The following RANBP9 variants were observed in gnomAD, a reference collection of about 807,000 sequenced individuals.
The protein encoded by RANBP9 is RAN binding protein 9.
A neutral mutation model predicts 84.3 loss-of-function variants in RANBP9; 15 were observed. That is an observed-to-expected ratio of 0.18 (90% CI 0.12 to 0.27). The LOEUF is 0.27. RANBP9 is among the 10% of genes least tolerant of loss of function. The probability of loss-of-function intolerance (pLI) is 1.00; values close to 1 mark genes in which losing one functional copy is unlikely to be tolerated. For missense variants in RANBP9, 809 were observed against 912.8 expected, an observed-to-expected ratio of 0.89 and a Z score of 1.46; for synonymous variants, 392 against 349.6, an observed-to-expected ratio of 1.12 and a Z score of -1.35.
At chr6:13,632,118 C>CTTTTT (rs752500098) in intron 12 of RANBP9, among the ~76,000 whole-genome samples, 3 of 74,922 alleles carry the variant, frequency 4.0e-5, no homozygotes, top group Non-Finnish European at 7.8e-5. Flanking sequence ...GGATTTAATC[C>CTTTTT]TTTTTTTTTT....
chr6:13,648,467 A>G (rs1407860800), intron 5 of RANBP9, among the ~76,000 whole-genome samples: 2 of 152,056 alleles, frequency 1.3e-5, no homozygotes, highest in Admixed American at 6.6e-5. Flanking sequence ...GCATGTTTTC[A>G]AGGTTCATCC....
In RANBP9 at chr6:13,686,118, C is replaced by CG. The variant is rs1389408773; in HGVS notation, c.683+10666_683+10667insC. On this transcript the variant is annotated intron_variant, in intron 2 of 13. Coordinates refer to ENST00000011619, the MANE Select transcript of RANBP9 (RefSeq NM_005493.3). ...AATTTCTTCCCCCCCCCCCCCCCGC[C>CG]CCCCGAAATAGAGTCTCACTCTGTA... is the stretch of plus-strand genomic sequence containing the variant. Among the ~76,000 whole-genome samples the CG allele has an allele frequency of 2.7e-4, 10 of 37,006 alleles. 1 individual carries two copies. The highest frequency in any genetic ancestry group is 8.8e-4 in the African/African-American group (8 of 9,088). The allele number at this position is 37,006 out of a possible 152,430, so 24.3% of individuals were successfully genotyped here. A position where few individuals can be genotyped will look rare whatever the true frequency, so the allele number is the denominator to read the frequency against.
Position 13,711,497 on chromosome 6 carries a change from C to T in RANBP9, c.9G>A (p.Gly3=). 8.0e-7 allele frequency: 1 copy of T among 1,248,936 alleles called. No individual in the cohort carries two copies. The highest frequency in any genetic ancestry group is 1.0e-6 in the Non-Finnish European group (1 of 995,048). The allele number at this position is 1,248,936 out of a possible 1,614,324, so 77.4% of individuals were successfully genotyped here. MS[G]QPPPPPPQQQ... is the part of the protein sequence containing the mutation. The stretch of plus-strand genomic sequence containing the variant: ...GCTGCGGCGGCGGCGGCGGCGGCTG[C>T]CCGGACATCCCGGCCGCGACTCAGC... Residue 3 remains glycine, a synonymous_variant, in exon 1 of 14, where the codon GGG becomes GGA. Transcript: ENST00000011619.
At chr6:13,693,924 T>C (rs1436633134) in intron 2 of RANBP9, among the ~76,000 whole-genome samples, 1 of 151,930 alleles carries the variant, frequency 6.6e-6, no homozygotes, top group South Asian at 2.1e-4. Flanking sequence ...GCGCCTGTAA[T>C]CCCAGCTACT....
chr6:13,666,554 G>A (rs942581138), intron 2 of RANBP9, among the ~76,000 whole-genome samples: 1 of 132,832 alleles, frequency 7.5e-6, no homozygotes, highest in Non-Finnish European at 1.5e-5. Flanking sequence ...GGTGAGAGAA[G>A]CGCTTGAGTC....
intron 2 of RANBP9, among the ~76,000 whole-genome samples, chr6:13,663,055 G>A (rs779345819): frequency 2.0e-5 from 3 of 151,996 alleles, no homozygotes; most frequent in Non-Finnish European, 2.9e-5. Flanking sequence ...AGACAAAAAC[G>A]TATAGATTCA....
chr6:13,625,202 C>T (rs1038233694), intron 13 of RANBP9, among the ~76,000 whole-genome samples: 2 of 152,138 alleles, frequency 1.3e-5, no homozygotes, highest in Admixed American at 6.6e-5. Flanking sequence ...TAACGTTCTC[C>T]GATTCCTTCT....
At chr6:13,632,297 G>T in intron 12 of RANBP9, 73 bp downstream of exon 12, 1 of 1,480,582 alleles carries the variant, frequency 6.8e-7, no homozygotes, top group Non-Finnish European at 9.2e-7. Flanking sequence ...CTGGTACACT[G>T]CTCAGTGTTT....
intron 1 of RANBP9, among the ~76,000 whole-genome samples, chr6:13,705,825 T>G (rs1033997462): frequency 2.2e-5 from 3 of 136,418 alleles, no homozygotes; most frequent in African/African-American, 8.6e-5. Context: ...ATCGCGCCAC[T>G]GCCCTGCAGC....
intron 1 of RANBP9, among the ~76,000 whole-genome samples, chr6:13,706,625 G>A (rs1221808755): frequency 6.6e-6 from 1 of 151,546 alleles, no homozygotes; most frequent in African/African-American, 2.4e-5. Flanking sequence ...CCCGGGAGGC[G>A]GAGGTTGCAG....
rs757318360 is a variant in RANBP9, at chr6:13,711,038, C to G, written c.468G>C (p.Pro156=). The change falls in exon 1 of 14, where the codon CCG becomes CCC. Residue 156 remains proline (P), a synonymous_variant. Coordinates refer to ENST00000011619, the MANE Select transcript of RANBP9 (RefSeq NM_005493.3). The part of the protein sequence containing the change: ...ELQRRLKRLY[P]AVDEQETPLP... ...GCGGCGTCTCTTGTTCGTCCACGGC[C>G]GGGTAGAGACGCTTCAGCCGCCGCT... is the stretch of plus-strand genomic sequence containing the variant. 6.3e-7 allele frequency: 1 copy of G among 1,594,590 alleles called. No individual in the cohort carries two copies. Among genetic ancestry groups the G allele is most frequent in the Admixed American group, 1.7e-5 (1 of 57,564 alleles).
chr6:13,634,622 C>G (rs777679261), intron 10 of RANBP9, 70 bp from the exon 11 acceptor site: 11 of 1,394,546 alleles, frequency 7.9e-6, no homozygotes, highest in Non-Finnish European at 1.1e-5. Context: ...TAAATCACTA[C>G]TGAACTACAT....
chr6:13,622,441 G>C lies in RANBP9; in HGVS notation c.2111C>G (p.Ala704Gly). The C allele has an allele frequency of 6.2e-7, 1 of 1,603,224 alleles. No individual in the cohort carries two copies. Among genetic ancestry groups the C allele is most frequent in the Non-Finnish European group, 8.5e-7 (1 of 1,175,070 alleles). Residue 704 changes from alanine (A) to glycine (G), a missense_variant, in exon 14 of 14, where the codon GCC (alanine) becomes GGC (glycine). This residue lies in a region of RANBP9 where 233 missense variants were observed against 234.4 expected (regional missense o/e 0.99). Transcript: ENST00000011619. ...QPPLALAMGQ[A>G]TQCLGLMARS... ...AGCCATCAGTCCTAGACATTGTGTG[G>C]CCTGTCCCATTGCTAGGGCAAGTGG...
intron 11 of RANBP9, chr6:13,632,759 T>G (rs1764825409): frequency 2.5e-6 from 1 of 394,138 alleles, no homozygotes; most frequent in Non-Finnish European, 4.5e-6. Flanking sequence ...GGGGACAACC[T>G]TTCAGTGTTA....
chr6:13,639,823 T>C (rs753540116), intron 8 of RANBP9, 70 bp from the exon 9 acceptor site: 475 of 1,294,720 alleles, frequency 3.7e-4, no homozygotes, highest in Non-Finnish European at 4.8e-4. Flanking sequence ...GCAACAGATT[T>C]CTAAAAATAT....
chr6:13,691,740 AC>A (rs1766326767), intron 2 of RANBP9, among the ~76,000 whole-genome samples: 1 of 152,052 alleles, frequency 6.6e-6, no homozygotes, highest in Non-Finnish European at 1.5e-5. Context: ...ATGTCGGCTC[AC>A]TGCAACCTCT....
chr6:13,634,084 T>A (rs949496442), intron 11 of RANBP9, among the ~76,000 whole-genome samples: 3 of 152,192 alleles, frequency 2.0e-5, no homozygotes, highest in Non-Finnish European at 4.4e-5. Flanking sequence ...ATCTAACCAT[T>A]TGGCCTTACT....
chr6:13,647,225 A>C lies in RANBP9; in HGVS notation c.928-2496T>G, dbSNP rs533892731. ...TAGCATTATTTGTAACACAAACAAA[A>C]TTTTAAAATATTCACAGATATGTGA... On this transcript the variant is annotated intron_variant, in intron 5 of 13. Coordinates refer to ENST00000011619, the MANE Select transcript of RANBP9 (RefSeq NM_005493.3). Among the ~76,000 whole-genome samples, 47 of 152,292 alleles carry C rather than the reference A, an allele frequency of 3.1e-4. No individual in the cohort carries two copies. In the East Asian group the frequency reaches 8.1e-3, roughly 26 times the overall value.
intron 2 of RANBP9, among the ~76,000 whole-genome samples, chr6:13,696,574 C>T (rs1722949915): frequency 6.6e-6 from 1 of 152,184 alleles, no homozygotes; most frequent in Non-Finnish European, 1.5e-5. Context: ...AATAAACCTA[C>T]CAGAAAAGCT....
Sources: allele counts gnomAD v4.1 joint callset (sites outside exome capture counted in the v4.1 genomes callset), GRCh38; gene constraint gnomAD v4.1.1; regional missense constraint gnomAD v4.1.1; transcripts MANE v1.5; gene names NCBI Gene and HGNC (gene_info 2026-07-23, HGNC 2026-07-21).